TSHZ3: variants seen among roughly 807,000 people sequenced by gnomAD.
TSHZ3 encodes teashirt homolog 3.
Under a neutral mutation model 64.5 loss-of-function variants are expected in TSHZ3, and 10 were observed. That is an observed-to-expected ratio of 0.16 (90% CI 0.10 to 0.26). The LOEUF (loss-of-function observed/expected upper bound fraction) is 0.26, where lower values mean the gene tolerates loss of function less well. Ranked by LOEUF, TSHZ3 falls within the 10% of genes least tolerant of loss-of-function variation. The pLI, the probability that TSHZ3 is intolerant of heterozygous loss-of-function variation, is 1.00. For missense variants in TSHZ3, 1,242 were observed against 1,421.7 expected (o/e 0.87, Z 2.03); for synonymous variants, 608 against 593.1 (o/e 1.03, Z -0.36).
At chr19:31,161,739 C>A (rs1974376560) in intron 5 of TSHZ3, among the ~76,000 whole-genome samples, 1 of 152,186 alleles carries the variant, frequency 6.6e-6, no homozygotes, top group Non-Finnish European at 1.5e-5. Context: ...CTATTCTGTT[C>A]CTTTGCCATG....
chr19:31,150,186 C>A (rs929335001), exon 7 of TSHZ3, among the ~76,000 whole-genome samples: 3 of 152,124 alleles, frequency 2.0e-5, no homozygotes, highest in African/African-American at 7.2e-5. Flanking sequence ...GTGGAGAAAA[C>A]GCCCGGGTTG....
chr19:31,185,542 G>A (rs534564066), intron 5 of TSHZ3, among the ~76,000 whole-genome samples: 27 of 152,306 alleles, frequency 1.8e-4, no homozygotes, highest in African/African-American at 5.8e-4. Flanking sequence ...TCTGGACCAT[G>A]CCCAGGACTG....
intron 1 of TSHZ3, among the ~76,000 whole-genome samples, chr19:31,345,500 T>A (rs1917563080): frequency 6.6e-6 from 1 of 152,168 alleles, no homozygotes; most frequent in South Asian, 2.1e-4. Flanking sequence ...TCCAGGGGGA[T>A]CCACAGTGTT....
chr19:31,278,932 C>T lies in TSHZ3; in HGVS notation c.861G>A (p.Leu287=), dbSNP rs1976306761. The T allele has an allele frequency of 6.2e-7, 1 of 1,614,188 alleles. No homozygotes were observed. Among genetic ancestry groups the T allele is most frequent in the Non-Finnish European group, 8.5e-7 (1 of 1,180,044 alleles). The change falls in exon 2 of 2, where the codon CTG becomes CTA. Residue 287 remains leucine, a synonymous_variant. Coordinates refer to ENST00000240587, the MANE Select transcript of TSHZ3 (RefSeq NM_020856.4). The surrounding 1 kb of genome is among the most constrained non-coding windows in gnomAD (Gnocchi z 4.7). ...TGATCATATGGACACTCAAATCCTGCAGGGACTCAAAGGAGTGGCCACAGT... is the reference window on the plus strand; with the variant it reads ...TGATCATATGGACACTCAAATCCTGTAGGGACTCAAAGGAGTGGCCACAGT... ...CMYCGHSFES[L]QDLSVHMIKT... is the part of the protein sequence containing the mutation.
intron 4 of TSHZ3, among the ~76,000 whole-genome samples, chr19:31,220,057 G>A (rs530007369): frequency 6.6e-6 from 1 of 152,052 alleles, no homozygotes; most frequent in Non-Finnish European, 1.5e-5. Flanking sequence ...TCAAGGCCAA[G>A]GTGGATGGAT....
intron 3 of TSHZ3, among the ~76,000 whole-genome samples, chr19:31,232,916 T>G (rs1975559950): frequency 6.6e-6 from 1 of 152,254 alleles, no homozygotes; most frequent in South Asian, 2.1e-4. Flanking sequence ...TTTTTATGGC[T>G]GAGTAGTATT....
chr19:31,161,854 C>T (rs377689193), intron 5 of TSHZ3, among the ~76,000 whole-genome samples: 1 of 152,318 alleles, frequency 6.6e-6, no homozygotes, highest in Admixed American at 6.5e-5. Flanking sequence ...GGGCATGAAT[C>T]GTGGGCTATA....
chr19:31,204,420 C>A (rs781138492), intron 5 of TSHZ3, among the ~76,000 whole-genome samples: 1 of 151,482 alleles, frequency 6.6e-6, no homozygotes, highest in Admixed American at 6.6e-5. Context: ...CCTTCCCTAC[C>A]TCCCTCTCTC....
chr19:31,193,027 G>A (rs1490223095), intron 5 of TSHZ3, among the ~76,000 whole-genome samples: 1 of 152,148 alleles, frequency 6.6e-6, no homozygotes. Flanking sequence ...CCTAAAATCA[G>A]AGCCCATCTG....
At chr19:31,211,961 C>T (rs1379815471) in intron 4 of TSHZ3, among the ~76,000 whole-genome samples, 3 of 152,056 alleles carry the variant, frequency 2.0e-5, no homozygotes, top group African/African-American at 7.2e-5. Context: ...TGCTTGGAGG[C>T]ATGTTTGCTC....
chr19:31,248,791 A>G (rs987253718), intron 1 of TSHZ3, among the ~76,000 whole-genome samples: 1 of 151,136 alleles, frequency 6.6e-6, no homozygotes, highest in African/African-American at 2.4e-5. Context: ...CCTGTTTGAA[A>G]AAAAAAAAAA....
chr19:31,186,383 G>C (rs942600456), intron 5 of TSHZ3, among the ~76,000 whole-genome samples: 2 of 152,140 alleles, frequency 1.3e-5, no homozygotes, highest in African/African-American at 4.8e-5. Context: ...TCATGATACT[G>C]AGTGAGTTCT....
chr19:31,160,773 C>T (rs1275394404), intron 5 of TSHZ3, among the ~76,000 whole-genome samples: 1 of 152,014 alleles, frequency 6.6e-6, no homozygotes, highest in Non-Finnish European at 1.5e-5. Flanking sequence ...CACATACACA[C>T]ATACACATAC....
intron 1 of TSHZ3, among the ~76,000 whole-genome samples, chr19:31,333,530 C>T (rs1917158542): frequency 6.6e-6 from 1 of 152,150 alleles, no homozygotes. Flanking sequence ...AACCCCGTGG[C>T]ATGCAGAGTG....
chr19:31,281,079 T>C (rs964634814), intron 1 of TSHZ3, among the ~76,000 whole-genome samples: 1 of 152,116 alleles, frequency 6.6e-6, no homozygotes, highest in Non-Finnish European at 1.5e-5. Context: ...AGTGGGGAAG[T>C]GTGTTAAGTG....
chr19:31,330,948 T>C (rs1451904153), intron 1 of TSHZ3, among the ~76,000 whole-genome samples: 1 of 152,086 alleles, frequency 6.6e-6, no homozygotes, highest in Non-Finnish European at 1.5e-5. Flanking sequence ...CCAGTCACCA[T>C]GGTGGCAGAA....
intron 1 of TSHZ3, among the ~76,000 whole-genome samples, chr19:31,287,465 G>C (rs1976482312): frequency 6.6e-6 from 1 of 152,114 alleles, no homozygotes; most frequent in Non-Finnish European, 1.5e-5. Context: ...GTAGAGCCAG[G>C]AGGGAGAGGA....
intron 5 of TSHZ3, among the ~76,000 whole-genome samples, chr19:31,198,738 T>C (rs1975029365): frequency 6.6e-6 from 1 of 152,000 alleles, no homozygotes; most frequent in South Asian, 2.1e-4. Context: ...ATGTACAAAA[T>C]CTATATGAAG....
At chr19:31,273,166 TAACA>T (rs1294665132), downstream of TSHZ3, among the ~76,000 whole-genome samples, 1 of 152,154 alleles carries the variant, frequency 6.6e-6, no homozygotes, top group Non-Finnish European at 1.5e-5. Flanking sequence ...GGGGAGACCG[TAACA>T]AACCATATCC....
Sources: gnomAD v4.1 joint callset for allele counts (sites outside exome capture counted in the v4.1 genomes callset) on GRCh38, gnomAD v4.1.1 for gene constraint, Gnocchi (gnomAD v3.1) non-coding constraint, MANE v1.5 for transcripts, NCBI Gene and HGNC (gene_info 2026-07-23, HGNC 2026-07-21) for gene names.